S100A13: variants seen among roughly 807,000 people sequenced by gnomAD.
The protein encoded by S100A13 is S100 calcium binding protein A13.
Under a neutral mutation model 8.2 loss-of-function variants are expected in S100A13, and 6 were observed. That is an observed-to-expected ratio of 0.73 (90% CI 0.40 to 1.44). The LOEUF is 1.44. S100A13 is among the 40% of genes most tolerant of loss of function. The pLI is 0.02. For missense variants in S100A13, 114 were observed against 113.6 expected (o/e 1.00, Z -0.02); for synonymous variants, 39 against 45.9 (o/e 0.85, Z 0.61).
At chr1:153,626,257 G>A (rs374324100) in intron 2 of S100A13, 63 bp downstream of exon 2, 12 of 1,484,918 alleles carry the variant, frequency 8.1e-6, no homozygotes, top group South Asian at 5.9e-5. Flanking sequence ...GCACCATCAC[G>A]TCCTAAACAC....
chr1:153,633,161 CAAAAAGAAAAA>C (rs1668126131), upstream of S100A13: 1 of 148,982 alleles, frequency 6.7e-6, no homozygotes, highest in Non-Finnish European at 1.5e-5. Context: ...ACTCCATCTG[CAAAAAGAAAAA>C]AAAAAGAAAG....
intron 2 of S100A13, among the ~76,000 whole-genome samples, chr1:153,621,996 G>A (rs971220977): frequency 1.3e-5 from 2 of 152,130 alleles, no homozygotes; most frequent in Non-Finnish European, 2.9e-5. Context: ...GTTTGGACAA[G>A]TACACAGGCA....
At chr1:153,627,964 G>A (rs1389642991), upstream of S100A13, 3 of 1,452,424 alleles carry the variant, frequency 2.1e-6, no homozygotes, top group Non-Finnish European at 2.8e-6. Context: ...CACACAGAGG[G>A]GGATCCAGGT....
upstream of S100A13, chr1:153,628,106 G>A (rs534013261): frequency 6.5e-7 from 1 of 1,550,368 alleles, no homozygotes; most frequent in East Asian, 2.4e-5. Context: ...CCCCTCAGCA[G>A]AATTCCCCCC....
At chr1:153,622,653 A>G (rs1478636394) in intron 2 of S100A13, among the ~76,000 whole-genome samples, 2 of 152,194 alleles carry the variant, frequency 1.3e-5, no homozygotes, top group Admixed American at 6.5e-5. Context: ...CTCTACAAAA[A>G]CATTTAAAAA....
chr1:153,621,308 C>T (rs1667231588), intron 2 of S100A13, among the ~76,000 whole-genome samples: 1 of 151,850 alleles, frequency 6.6e-6, no homozygotes, highest in South Asian at 2.1e-4. Flanking sequence ...AGGCACCCAC[C>T]ACCACGCCTT....
upstream of S100A13, chr1:153,631,778 G>T: frequency 2.5e-6 from 4 of 1,614,200 alleles, no homozygotes; most frequent in Non-Finnish European, 1.7e-6. Flanking sequence ...ACTTCCAGGA[G>T]TATGTGGTGC....
intron 2 of S100A13, among the ~76,000 whole-genome samples, chr1:153,620,517 A>G (rs1426017174): frequency 3.9e-5 from 6 of 151,954 alleles, no homozygotes; most frequent in Non-Finnish European, 8.8e-5. Flanking sequence ...ACCAAATACC[A>G]TACCAGTATC....
upstream of S100A13, chr1:153,632,165 T>A (rs542380048): frequency 4.0e-5 from 10 of 251,390 alleles, no homozygotes; most frequent in South Asian, 9.7e-4. Flanking sequence ...ATCTTCCTAC[T>A]TGAGGAATGC....
intron 2 of S100A13, among the ~76,000 whole-genome samples, chr1:153,620,256 C>T (rs1667151893): frequency 6.6e-6 from 1 of 151,814 alleles, no homozygotes; most frequent in African/African-American, 2.4e-5. Flanking sequence ...CATTGCACTC[C>T]AGTCTGGGCT....
intron 2 of S100A13, among the ~76,000 whole-genome samples, chr1:153,620,294 GA>G (rs200619970): frequency 6.7e-6 from 1 of 149,086 alleles, no homozygotes; most frequent in East Asian, 2.0e-4. Flanking sequence ...CTCAAAAAAA[GA>G]AAAAAAAATA....
At chr1:153,628,667 GGT>G, upstream of S100A13, 2 of 1,165,552 alleles carry the variant, frequency 1.7e-6, no homozygotes, top group Non-Finnish European at 2.3e-6. Context: ...GGGTTTGGAA[GGT>G]GGTGATGAGA....
Position 153,619,093 on chromosome 1 carries a change from T to C in S100A13, c.154-55A>G. The C allele has an allele frequency of 8.5e-6, 13 of 1,522,416 alleles. No homozygotes were observed. In the South Asian group the frequency reaches 1.4e-4, roughly 16 times the overall value. The allele number at this position is 1,522,416 out of a possible 1,614,324, so 94.3% of individuals were successfully genotyped here. A position where few individuals can be genotyped will look rare whatever the true frequency, so the allele number is the denominator to read the frequency against. ...TTAGAAACTGGGGTTCTTGAGAAAGTAGGGAGGGAAGAACTGTCAGCTGCT... is the reference window on the plus strand; with the variant it reads ...TTAGAAACTGGGGTTCTTGAGAAAGCAGGGAGGGAAGAACTGTCAGCTGCT... On this transcript the variant is annotated intron_variant, in intron 2 of 2. Transcript: ENST00000476133.
upstream of S100A13, chr1:153,631,698 G>T (rs1444206082): frequency 1.9e-6 from 3 of 1,614,002 alleles, no homozygotes; most frequent in Middle Eastern, 4.9e-4. Context: ...CCCACCACAG[G>T]CCCAGAAGGA....
upstream of S100A13, chr1:153,632,113 T>G: frequency 2.3e-6 from 1 of 441,696 alleles, no homozygotes; most frequent in East Asian, 3.8e-5. Context: ...CTCCCCTTAT[T>G]TGGGGAAGTG....
upstream of S100A13, chr1:153,629,544 CTT>C (rs999470274): frequency 6.6e-6 from 1 of 152,348 alleles, no homozygotes; most frequent in African/African-American, 2.4e-5. Context: ...GCTTGGCAGT[CTT>C]CTCTCTCAAC....
chr1:153,628,031 C>CAAGACTAAGTTTCTCACTGAGGGT, upstream of S100A13: 1 of 1,550,098 alleles, frequency 6.5e-7, no homozygotes. Flanking sequence ...CTCAGACTCC[C>CAAGACTAAGTTTCTCACTGAGGGT]AAGACTAAGT....
chr1:153,626,616 T>C lies in S100A13; in HGVS notation c.-61-83A>G, dbSNP rs887465744. ...GGTTCAGAAGGTCCCTGCCTTGGTG[T>C]TATCACATCAGTCTCAGCCTGGAGG... On this transcript the variant is annotated intron_variant, in intron 1 of 2. Coordinates refer to ENST00000476133, the MANE Select transcript of S100A13 (RefSeq NM_001024211.2). 8 of 750,550 alleles carry C rather than the reference T, an allele frequency of 1.1e-5. No homozygotes were observed. The Admixed American group carries it at 2.1e-4, about 19-fold the overall frequency. 46.5% of individuals were successfully genotyped at this position (750,550 alleles called of 1,614,324 possible).
intron 2 of S100A13, among the ~76,000 whole-genome samples, chr1:153,620,456 C>CAAAA (rs1051453502): frequency 7.9e-6 from 1 of 127,042 alleles, no homozygotes; most frequent in African/African-American, 3.1e-5. Context: ...GTGAGACTAT[C>CAAAA]TAAAAAAAAA....
Sources: allele counts gnomAD v4.1 joint callset (sites outside exome capture counted in the v4.1 genomes callset), GRCh38; gene constraint gnomAD v4.1.1; transcripts MANE v1.5; gene names NCBI Gene and HGNC (gene_info 2026-07-23, HGNC 2026-07-21).